The following CCDC88A variants were observed in gnomAD, a reference collection of about 807,000 sequenced individuals.
CCDC88A encodes coiled-coil and HOOK domain protein 88A, also known as girdin.
Under a neutral mutation model 234.3 loss-of-function variants are expected in CCDC88A, and 54 were observed. The ratio of observed to expected loss-of-function variants is 0.23; its 90% CI spans 0.19 to 0.29. The LOEUF (loss-of-function observed/expected upper bound fraction) is 0.29, where lower values mean the gene tolerates loss of function less well. CCDC88A is among the 10% of genes least tolerant of loss of function. The pLI, the probability that CCDC88A is intolerant of heterozygous loss-of-function variation, is 1.00. For synonymous variants in CCDC88A, 753 were observed against 737.8 expected (o/e 1.02, Z -0.33); for missense variants, 1,832 against 2,123.4 (o/e 0.86, Z 2.70).
In CCDC88A at chr2:55,291,183, T is replaced by C. The variant is rs1040142527; in HGVS notation, c.*36-19A>G. The C allele has an allele frequency of 1.3e-5, 2 of 152,300 alleles. No individual in the cohort carries two copies. Among genetic ancestry groups the C allele is most frequent in the African/African-American group, 4.8e-5 (2 of 41,364 alleles). The allele number at this position is 152,300 out of a possible 1,614,324, so 9.4% of individuals were successfully genotyped here. A position where few individuals can be genotyped will look rare whatever the true frequency, so the allele number is the denominator to read the frequency against. The stretch of plus-strand genomic sequence containing the variant: ...TTTCTCTCTGTATTTAGTTGGAAGG[T>C]AGAAAGAAGAAAGAAAATATAAGAA... On this transcript the variant is annotated intron_variant, in intron 32 of 32. Coordinates refer to ENST00000436346, the MANE Select transcript of CCDC88A (RefSeq NM_001365480.1).
At chr2:55,351,964 A>G (rs546336531) in intron 8 of CCDC88A, among the ~76,000 whole-genome samples, 1 of 152,244 alleles carries the variant, frequency 6.6e-6, no homozygotes, top group Non-Finnish European at 1.5e-5. Context: ...AAATGAAGCC[A>G]GTCACAAAAG....
intron 23 of CCDC88A, among the ~76,000 whole-genome samples, chr2:55,311,961 A>G (rs1682403667): frequency 6.6e-6 from 1 of 152,136 alleles, no homozygotes; most frequent in Admixed American, 6.6e-5. Context: ...AGAAAGAACA[A>G]TTAATTTTTA....
chr2:55,291,231 C>T (rs961098181), intron 32 of CCDC88A, 67 bp from the exon 33 acceptor site: 1 of 152,364 alleles, frequency 6.6e-6, no homozygotes, highest in African/African-American at 2.4e-5. Context: ...AAGAGAGACA[C>T]AAAATACAGA....
intron 2 of CCDC88A, among the ~76,000 whole-genome samples, chr2:55,393,946 T>C (rs1677105098): frequency 6.6e-6 from 1 of 152,150 alleles, no homozygotes; most frequent in Non-Finnish European, 1.5e-5. Context: ...CTTTACCCAG[T>C]ATTATTTATT....
At chr2:55,344,031 A>G (rs1458943835) in intron 11 of CCDC88A, 1 of 406,142 alleles carries the variant, frequency 2.5e-6, no homozygotes, top group African/African-American at 2.1e-5. Flanking sequence ...CATAGTCAAC[A>G]TACTGTTTTA....
intron 17 of CCDC88A, among the ~76,000 whole-genome samples, chr2:55,325,789 C>G (rs900538339): frequency 1.3e-5 from 2 of 152,196 alleles, no homozygotes; most frequent in African/African-American, 2.4e-5. Flanking sequence ...AGCTCTGTTA[C>G]TAGGTGTATC....
chr2:55,341,828 C>T (rs140804196), intron 12 of CCDC88A, among the ~76,000 whole-genome samples: 372 of 152,194 alleles, frequency 2.4e-3, no homozygotes, highest in Non-Finnish European at 4.0e-3. Flanking sequence ...TTGACAGACA[C>T]AGGTTGATTC....
chr2:55,352,853 T>C (rs941926567), intron 8 of CCDC88A, among the ~76,000 whole-genome samples: 15 of 152,212 alleles, frequency 9.9e-5, no homozygotes, highest in Non-Finnish European at 1.5e-4. Context: ...AATTACTTAT[T>C]GTATAGTTTC....
chr2:55,380,443 C>G (rs1409710102), intron 3 of CCDC88A, among the ~76,000 whole-genome samples: 1 of 80,050 alleles, frequency 1.2e-5, no homozygotes, highest in Non-Finnish European at 2.7e-5. Flanking sequence ...ATTTGGAGAA[C>G]TACAATCATT....
intron 13 of CCDC88A, 63 bp downstream of exon 13, chr2:55,339,401 G>A: frequency 8.1e-7 from 1 of 1,240,960 alleles, no homozygotes; most frequent in South Asian, 1.5e-5. Flanking sequence ...AAATAAATGG[G>A]CTATTTATTT....
At chr2:55,291,510 A>C in intron 32 of CCDC88A, 166 bp downstream of exon 32, 2 of 393,526 alleles carry the variant, frequency 5.1e-6, no homozygotes, top group East Asian at 3.8e-5. Flanking sequence ...GTAAAAACCT[A>C]TGGCAGCCAA....
intron 5 of CCDC88A, among the ~76,000 whole-genome samples, chr2:55,367,528 G>GTTTTTTTTTTTTTGTTT: frequency 8.0e-5 from 8 of 99,872 alleles, no homozygotes; most frequent in Admixed American, 2.3e-4. Flanking sequence ...TTATTTCCTT[G>GTTTTTTTTTTTTTGTTT]TTTTTTTTTA....
intron 31 of CCDC88A, chr2:55,294,701 G>A (rs1376859905): frequency 1.0e-6 from 1 of 992,052 alleles, no homozygotes; most frequent in Non-Finnish European, 1.2e-6. Context: ...AAGCAACAAA[G>A]CAAATATGAC....
chr2:55,299,078 C>T (rs1027063603), intron 29 of CCDC88A, among the ~76,000 whole-genome samples: 4 of 151,912 alleles, frequency 2.6e-5, no homozygotes, highest in Non-Finnish European at 4.4e-5. Flanking sequence ...GTCGTTGGCA[C>T]CTGCCGTTCC....
chr2:55,338,781 G>A (rs930545802), intron 13 of CCDC88A, among the ~76,000 whole-genome samples: 9 of 152,238 alleles, frequency 5.9e-5, no homozygotes, highest in African/African-American at 1.7e-4. Context: ...CCACTAGCCC[G>A]AGTTGAGACA....
chr2:55,291,819 C>T, intron 31 of CCDC88A, 44 bp from the exon 32 acceptor site: 3 of 1,450,058 alleles, frequency 2.1e-6, no homozygotes, highest in Non-Finnish European at 2.9e-6. Flanking sequence ...AAAGATGAAA[C>T]AAAATACAAT....
At chr2:55,395,130 G>A (rs1398845919) in intron 2 of CCDC88A, among the ~76,000 whole-genome samples, 1 of 152,194 alleles carries the variant, frequency 6.6e-6, no homozygotes, top group Non-Finnish European at 1.5e-5. Context: ...ACAGGCGTGA[G>A]CCACTGTGCC....
intron 2 of CCDC88A, chr2:55,406,016 A>C (rs1679500536): frequency 6.6e-6 from 1 of 152,098 alleles, no homozygotes; most frequent in South Asian, 2.1e-4. Context: ...AAAATTAGCT[A>C]GCTGTGGTGG....
At chr2:55,363,681 T>C (rs149995309) in intron 6 of CCDC88A, 1 of 268,068 alleles carries the variant, frequency 3.7e-6, no homozygotes, top group Non-Finnish European at 6.9e-6. Context: ...TTGTAATCCA[T>C]TCTAACAAAG....
Sources: allele counts gnomAD v4.1 joint callset (sites outside exome capture counted in the v4.1 genomes callset), GRCh38; gene constraint gnomAD v4.1.1; transcripts MANE v1.5; gene names NCBI Gene and HGNC (gene_info 2026-07-23, HGNC 2026-07-21).